Variants in LRRC74A observed in about 807,000 individuals in gnomAD.
LRRC74A encodes the protein leucine rich repeat containing 74A.
In LRRC74A, 44 loss-of-function variants were observed where a neutral mutation model predicts 57.9. The observed-to-expected ratio is 0.76, with a 90% confidence interval of 0.60 to 0.98. The LOEUF (loss-of-function observed/expected upper bound fraction) is 0.98, where lower values mean the gene tolerates loss of function less well. Ranked by LOEUF, LRRC74A falls within the 50% of genes least tolerant of loss-of-function variation. LRRC74A has a pLI of 0.00. For missense variants in LRRC74A, 572 were observed against 574.0 expected, an observed-to-expected ratio of 1.00 and a Z score of 0.04; for synonymous variants, 211 against 219.4, an observed-to-expected ratio of 0.96 and a Z score of 0.34.
chr14:76,864,192 G>C (rs2140311255), intron 11 of LRRC74A, among the ~76,000 whole-genome samples: 1 of 152,176 alleles, frequency 6.6e-6, no homozygotes, highest in South Asian at 2.1e-4. Context: ...GTGCCGGTGG[G>C]GTGTCCAGCA....
intron 9 of LRRC74A, among the ~76,000 whole-genome samples, chr14:76,857,057 G>A (rs1897948175): frequency 6.6e-6 from 1 of 151,210 alleles, no homozygotes; most frequent in African/African-American, 2.4e-5. Flanking sequence ...ATAGGTGGAT[G>A]AATGGATGGA....
chr14:76,828,670 C>T lies in LRRC74A; in HGVS notation c.166+251C>T, dbSNP rs747192463. The stretch of plus-strand genomic sequence containing the variant: ...TGCCCTCACGTCGTCTTGTTAAAAG[C>T]GGAATCAATACACAAACAAGGTTTT... On this transcript the variant is annotated intron_variant, in intron 2 of 13. Transcript: ENST00000689127. 179 of 616,150 alleles carry T rather than the reference C, an allele frequency of 2.9e-4. 1 individual carries two copies. Among genetic ancestry groups the T allele is most frequent in the Non-Finnish European group, 4.5e-4 (149 of 332,618 alleles). 38.2% of individuals were successfully genotyped at this position (616,150 alleles called of 1,614,324 possible). A position where few individuals can be genotyped will look rare whatever the true frequency, so the allele number is the denominator to read the frequency against.
Position 76,853,220 on chromosome 14 carries a change from A to G in LRRC74A, c.767A>G (p.Asn256Ser). ...TGTTCTCCCCTCTTCCTGGAGGGTA[A>G]TGTGACCCTGACAAAGCTGGATCTC... ...AVALCNGLRG[N>S]VTLTKLDLSM... The change falls in exon 9 of 14, where the codon AAT becomes AGT. Residue 256 changes from asparagine to serine, a missense_variant. Physicochemically the swap from Asn to Ser is conservative, Grantham distance 46 (BLOSUM62 1). Transcript: ENST00000689127. 3 of 1,610,250 alleles carry G rather than the reference A, an allele frequency of 1.9e-6. No homozygotes were observed. The highest frequency in any genetic ancestry group is 2.5e-6 in the Non-Finnish European group (3 of 1,176,570).
At chr14:76,840,773 C>T (rs1294063256) in intron 5 of LRRC74A, among the ~76,000 whole-genome samples, 3 of 151,548 alleles carry the variant, frequency 2.0e-5, no homozygotes, top group Non-Finnish European at 2.9e-5. Flanking sequence ...TTAGTAGAGA[C>T]GGGGTTTCAC....
chr14:76,840,812 T>C (rs965881568), intron 5 of LRRC74A, among the ~76,000 whole-genome samples: 6 of 152,086 alleles, frequency 3.9e-5, no homozygotes, highest in African/African-American at 1.4e-4. Flanking sequence ...CTTGATCTCC[T>C]GACCTCGTGA....
At chr14:76,857,612 C>A in intron 10 of LRRC74A, 137 bp downstream of exon 10, 2 of 622,316 alleles carry the variant, frequency 3.2e-6, no homozygotes, top group South Asian at 1.8e-5. Context: ...AGGGTCACTT[C>A]TTTTGTTACA....
At chr14:76,854,212 T>C (rs1897723309) in intron 9 of LRRC74A, among the ~76,000 whole-genome samples, 1 of 152,226 alleles carries the variant, frequency 6.6e-6, no homozygotes, top group African/African-American at 2.4e-5. Flanking sequence ...AGAGCCCTGC[T>C]CCCTACTTCC....
At chr14:76,857,327 G>A in intron 9 of LRRC74A, 53 bp from the exon 10 acceptor site, 2 of 1,177,506 alleles carry the variant, frequency 1.7e-6, no homozygotes, top group Non-Finnish European at 2.5e-6. Flanking sequence ...TGTGCTCTGG[G>A]CCAGCCTCTC....
At chr14:76,867,603 T>C (rs1371103891) in intron 13 of LRRC74A, among the ~76,000 whole-genome samples, 165 bp downstream of exon 13, 2 of 152,020 alleles carry the variant, frequency 1.3e-5, no homozygotes, top group African/African-American at 2.4e-5. Context: ...CCCCTTCTCA[T>C]CCCCAATTCA....
chr14:76,852,716 T>G (rs953570410), intron 8 of LRRC74A, among the ~76,000 whole-genome samples: 2 of 151,366 alleles, frequency 1.3e-5, no homozygotes, highest in Non-Finnish European at 2.9e-5. Flanking sequence ...CCTCCCTGGT[T>G]CAAGCGATTC....
At chr14:76,870,089 G>A (rs1899332420) in intron 13 of LRRC74A, 36 bp from the exon 14 acceptor site, 6 of 1,604,216 alleles carry the variant, frequency 3.7e-6, no homozygotes, top group South Asian at 1.1e-5. Flanking sequence ...GAGGCTGTAC[G>A]GGTGCTCAGC....
intron 4 of LRRC74A, among the ~76,000 whole-genome samples, 155 bp from the exon 5 acceptor site, chr14:76,837,720 T>C (rs1052431470): frequency 1.3e-5 from 2 of 152,076 alleles, no homozygotes; most frequent in Non-Finnish European, 2.9e-5. Context: ...TGCCCTTCTC[T>C]TCGTCCTTGG....
intron 11 of LRRC74A, among the ~76,000 whole-genome samples, chr14:76,863,931 C>T (rs1292349807): frequency 6.6e-6 from 1 of 152,272 alleles, no homozygotes; most frequent in African/African-American, 2.4e-5. Flanking sequence ...CCACCTGCCT[C>T]TCTCAAATCA....
intron 11 of LRRC74A, among the ~76,000 whole-genome samples, chr14:76,861,297 CAT>C (rs778883335): frequency 2.0e-5 from 3 of 152,250 alleles, no homozygotes; most frequent in Non-Finnish European, 2.9e-5. Context: ...TTATTATAGA[CAT>C]AGTTTCTTTC....
At chr14:76,845,347 G>A (rs933827026) in intron 7 of LRRC74A, among the ~76,000 whole-genome samples, 1 of 145,322 alleles carries the variant, frequency 6.9e-6, no homozygotes, top group Non-Finnish European at 1.5e-5. Flanking sequence ...CAAGAAGAAG[G>A]AAAAGAAGAA....
chr14:76,860,980 C>A (rs1016307616), intron 11 of LRRC74A, 141 bp downstream of exon 11: 9 of 770,724 alleles, frequency 1.2e-5, no homozygotes, highest in Non-Finnish European at 1.8e-5. Flanking sequence ...GTCCCTTGGA[C>A]AGCAGACATG....
At chr14:76,845,140 AC>A (rs1897037236) in intron 7 of LRRC74A, among the ~76,000 whole-genome samples, 1 of 152,160 alleles carries the variant, frequency 6.6e-6, no homozygotes, top group African/African-American at 2.4e-5. Flanking sequence ...CCTGGGCAAC[AC>A]AGGGACACCC....
At chr14:76,838,553 AGGAGAAGAAAT>A (rs1352157026) in intron 5 of LRRC74A, among the ~76,000 whole-genome samples, 1 of 152,246 alleles carries the variant, frequency 6.6e-6, no homozygotes, top group Non-Finnish European at 1.5e-5. Flanking sequence ...AGTTTCCAGA[AGGAGAAGAAAT>A]GAATGAGCAG....
At chr14:76,842,788 A>T (rs186511916) in intron 5 of LRRC74A, among the ~76,000 whole-genome samples, 1 of 152,144 alleles carries the variant, frequency 6.6e-6, no homozygotes. Flanking sequence ...GCTCTATGTC[A>T]TGTACTTCCC....
Sources: allele counts gnomAD v4.1 joint callset (sites outside exome capture counted in the v4.1 genomes callset), GRCh38; gene constraint gnomAD v4.1.1; transcripts MANE v1.5; gene names NCBI Gene and HGNC (gene_info 2026-07-23, HGNC 2026-07-21).